MIDN: variants seen among roughly 807,000 people sequenced by gnomAD.
MIDN encodes midbrain nucleolar protein.
MIDN carries 26 observed loss-of-function variants against 46.1 expected under a neutral mutation model. The ratio of observed to expected loss-of-function variants is 0.56; its 90% CI spans 0.41 to 0.78. MIDN has a LOEUF of 0.78. Ranked by LOEUF, MIDN falls within the 30% of genes least tolerant of loss-of-function variation. The pLI is 0.00. For synonymous variants in MIDN, 432 were observed against 343.3 expected (o/e 1.26, Z -2.86); for missense variants, 850 against 771.8 (o/e 1.10, Z -1.20).
chr19:1,258,850 T>G lies in MIDN; in HGVS notation c.*1578T>G, dbSNP rs1183988286. 1.3e-5 allele frequency: 2 copies of G among 152,108 alleles called. No homozygotes were observed. The highest frequency in any genetic ancestry group is 2.9e-5 in the Non-Finnish European group (2 of 68,010). The allele number at this position is 152,108 out of a possible 1,614,324, so 9.4% of individuals were successfully genotyped here. On this transcript the variant is annotated 3_prime_UTR_variant, in exon 9 of 9. Coordinates refer to ENST00000682408, the MANE Select transcript of MIDN (RefSeq NM_001388306.1). Reference sequence around the variant, plus strand: ...GAGTAAAAGGGGCGGGTTTGTTTTTTGAAGAACTGTCTTGGATACCTATTT... The same window carrying G: ...GAGTAAAAGGGGCGGGTTTGTTTTTGGAAGAACTGTCTTGGATACCTATTT...
rs2081226441 is a variant in MIDN at position 1,258,283 on chromosome 19, G to C, written c.*1011G>C. On this transcript the variant is annotated 3_prime_UTR_variant, in exon 9 of 9. Transcript: ENST00000682408. ...GAGGGATGTGGATTTGGGACTGTCTGGGGGCCCCTCCTGCAGCGAGGATGG... is the reference window on the plus strand; with the variant it reads ...GAGGGATGTGGATTTGGGACTGTCTCGGGGCCCCTCCTGCAGCGAGGATGG... 6.6e-6 allele frequency: 1 copy of C among 152,654 alleles called. No individual in the cohort carries two copies. Among genetic ancestry groups the C allele is most frequent in the Non-Finnish European group, 1.5e-5 (1 of 68,094 alleles). The allele number at this position is 152,654 out of a possible 1,614,324, so 9.5% of individuals were successfully genotyped here.
At position 1,251,877 on chromosome 19, in the gene MIDN, T is replaced by C. The variant is rs368279276; in HGVS notation, c.360T>C (p.Ala120=). 65 of 1,613,206 alleles carry C rather than the reference T, an allele frequency of 4.0e-5. No individual in the cohort carries two copies. Among genetic ancestry groups the C allele is most frequent in the Non-Finnish European group, 5.5e-5 (65 of 1,179,750 alleles). Residue 120 remains alanine (A), a synonymous_variant, in exon 4 of 9, where the codon GCT becomes GCC. Transcript: ENST00000682408. ...ASRPEQSVMQ[A]LESLTETQPP... ...GGCCGGAACAGTCCGTGATGCAAGCTCTCGAGAGTCTCACGGAGACGCAGG... is the reference window on the plus strand; with the variant it reads ...GGCCGGAACAGTCCGTGATGCAAGCCCTCGAGAGTCTCACGGAGACGCAGG...
At position 1,255,417 on chromosome 19, in the gene MIDN, C is replaced by T. The variant is rs375769437; in HGVS notation, c.986-5C>T. 6.0e-5 allele frequency: 95 copies of T among 1,579,218 alleles called. No homozygotes were observed. Among genetic ancestry groups the T allele is most frequent in the Admixed American group, 1.1e-4 (6 of 55,538 alleles). On this transcript the variant is annotated splice_polypyrimidine_tract_variant and splice_region_variant and intron_variant, in intron 7 of 8. Transcript: ENST00000682408. Reference sequence around the variant, plus strand: ...CCGGGCACTCACGGCCACCTCTGCCCGCAGGCACGCTACACCCCAACTGCC... The same window carrying T: ...CCGGGCACTCACGGCCACCTCTGCCTGCAGGCACGCTACACCCCAACTGCC...
At chr19:1,251,673 C>T (rs774869134) in intron 3 of MIDN, 24 bp downstream of exon 3, 21 of 1,589,054 alleles carry the variant, frequency 1.3e-5, no homozygotes, top group Middle Eastern at 1.7e-4. Context: ...GGGCTGCGTG[C>T]CCCCAGAGGC....
Position 1,255,694 on chromosome 19 carries a change from G to C in MIDN, c.1258G>C (p.Gly420Arg). The C allele has an allele frequency of 6.4e-7, 1 of 1,569,408 alleles. No individual in the cohort carries two copies. The highest frequency in any genetic ancestry group is 8.6e-7 in the Non-Finnish European group (1 of 1,161,190). The change falls in exon 8 of 9, where the codon GGG becomes CGG. Residue 420 changes from glycine to arginine, a missense_variant and splice_region_variant. By Grantham distance (125) the Gly-to-Arg change is moderately radical (BLOSUM62 -2). Transcript: ENST00000682408. ...CCAGATCCGCATGTGCAAGCCCCCG[G>C]GTGAGTGGCCACCCTCGGGGGTCCT... is the stretch of plus-strand genomic sequence containing the variant. ...QSQIRMCKPP[G>R]DRLRQTENRA...
intron 4 of MIDN, among the ~76,000 whole-genome samples, chr19:1,252,644 C>T (rs1391477595): frequency 6.6e-6 from 1 of 152,212 alleles, no homozygotes; most frequent in Non-Finnish European, 1.5e-5. Context: ...TGACACAGGC[C>T]TCAGCAATCC....
chr19:1,250,765 G>A (rs893569113), intron 2 of MIDN, among the ~76,000 whole-genome samples: 6 of 151,820 alleles, frequency 4.0e-5, no homozygotes, highest in African/African-American at 1.4e-4. Context: ...GGCCCCCCTT[G>A]GGGGCGGGCA....
chr19:1,255,092 G>C (rs563136966), intron 7 of MIDN, 31 bp downstream of exon 7: 29 of 1,595,900 alleles, frequency 1.8e-5, no homozygotes, highest in Non-Finnish European at 8.6e-7. Flanking sequence ...GTGAGCTCAC[G>C]TGTGTCCCGT....
intron 4 of MIDN, 69 bp from the exon 5 acceptor site, chr19:1,253,885 C>G: frequency 9.9e-6 from 13 of 1,313,604 alleles, no homozygotes; most frequent in Non-Finnish European, 1.1e-5. Flanking sequence ...CCTCAGTTTC[C>G]CCTTGCAAGA....
Position 1,255,801 on chromosome 19 carries a change from G to C in MIDN, c.1258+107G>C, listed in dbSNP as rs544523837. On this transcript the variant is annotated intron_variant, in intron 8 of 8. Coordinates refer to ENST00000682408, the MANE Select transcript of MIDN (RefSeq NM_001388306.1). The stretch of plus-strand genomic sequence containing the variant: ...GGAGCAGCTGACCTGCCCAGGGGCT[G>C]GGGGGGATGGCAGCTGCCGTGGCCA... 423 of 1,071,648 alleles carry C rather than the reference G, an allele frequency of 3.9e-4. 9 individuals are homozygous for C. In the South Asian group the frequency reaches 6.9e-3, roughly 17 times the overall value. The allele number at this position is 1,071,648 out of a possible 1,614,324, so 66.4% of individuals were successfully genotyped here. A position where few individuals can be genotyped will look rare whatever the true frequency, so the allele number is the denominator to read the frequency against.
chr19:1,249,534 TC>T (rs1419711992), intron 1 of MIDN, among the ~76,000 whole-genome samples: 1 of 148,112 alleles, frequency 6.8e-6, no homozygotes, highest in Non-Finnish European at 1.5e-5. Flanking sequence ...CAGACCTGGG[TC>T]CCGCGCCCCC....
At chr19:1,256,909 CAG>C (rs112641035) in intron 8 of MIDN, 84 bp from the exon 9 acceptor site, 2 of 1,573,590 alleles carry the variant, frequency 1.3e-6, no homozygotes, top group Non-Finnish European at 1.7e-6. Context: ...TGTCTGACCT[CAG>C]GGGCATTTGC....
intron 3 of MIDN, 74 bp downstream of exon 3, chr19:1,251,723 C>G (rs535163913): frequency 2.0e-6 from 3 of 1,516,756 alleles, no homozygotes; most frequent in South Asian, 1.2e-5. Flanking sequence ...GGTACCTGTC[C>G]GCACACACAC....
In MIDN at chr19:1,250,564, C is replaced by T. The variant is rs757976827; in HGVS notation, c.233+35C>T. The T allele has an allele frequency of 1.7e-5, 19 of 1,098,642 alleles. No homozygotes were observed. The African/African-American group carries it at 2.9e-4, about 17-fold the overall frequency. 68.1% of individuals were successfully genotyped at this position (1,098,642 alleles called of 1,614,324 possible). A position where few individuals can be genotyped will look rare whatever the true frequency, so the allele number is the denominator to read the frequency against. ...GCGCGCCCCCGGCCGGCCGCCCCCT[C>T]GGGCCCCGGCCCCCGGGCGGGAACA... On this transcript the variant is annotated intron_variant, in intron 2 of 8. Coordinates refer to ENST00000682408, the MANE Select transcript of MIDN (RefSeq NM_001388306.1).
intron 4 of MIDN, among the ~76,000 whole-genome samples, chr19:1,253,481 G>C (rs1211916398): frequency 6.6e-6 from 1 of 152,132 alleles, no homozygotes; most frequent in South Asian, 2.1e-4. Flanking sequence ...CCAGAGCAGG[G>C]GGCTTGGCGA....
chr19:1,257,093 C>T lies in MIDN; in HGVS notation c.1357C>T (p.Arg453Trp), dbSNP rs1555750325. 3.1e-6 allele frequency: 5 copies of T among 1,611,942 alleles called. No homozygotes were observed. The highest frequency in any genetic ancestry group is 1.3e-5 in the African/African-American group (1 of 75,058). The change falls in exon 9 of 9, where the codon CGG (arginine) becomes TGG (tryptophan). Residue 453 changes from arginine to tryptophan, a missense_variant. Arg to Trp is a moderately radical substitution (Grantham distance 101, BLOSUM62 -3). Transcript: ENST00000682408. ...QQKRLRRKAR[R>W]DARGPYHWSP... ...GAAACGGCTCCGTAGAAAGGCCCGGCGGGACGCGCGGGGTCCGTACCACTG... is the reference window on the plus strand; with the variant it reads ...GAAACGGCTCCGTAGAAAGGCCCGGTGGGACGCGCGGGGTCCGTACCACTG...
intron 4 of MIDN, among the ~76,000 whole-genome samples, chr19:1,253,062 G>C (rs1478405133): frequency 6.6e-6 from 1 of 151,896 alleles, no homozygotes; most frequent in Non-Finnish European, 1.5e-5. Context: ...GTGCTGGGCG[G>C]AGACACTGGG....
chr19:1,255,075 C>T lies in MIDN; in HGVS notation c.985+14C>T, dbSNP rs773345326. The stretch of plus-strand genomic sequence containing the variant: ...GGACCTTCTCTGGTAGGTGTCACAG[C>T]ACATGTGTGAGCTCACGTGTGTCCC... On this transcript the variant is annotated intron_variant, in intron 7 of 8. Coordinates refer to ENST00000682408, the MANE Select transcript of MIDN (RefSeq NM_001388306.1). The T allele has an allele frequency of 2.9e-5, 47 of 1,607,332 alleles. No individual in the cohort carries two copies. Among genetic ancestry groups the T allele is most frequent in the Non-Finnish European group, 3.7e-5 (43 of 1,175,474 alleles).
rs774869134 is a variant in MIDN, at chr19:1,251,673, C to A, written c.321+24C>A. The A allele has an allele frequency of 2.1e-5, 33 of 1,589,056 alleles. No individual in the cohort carries two copies. In the Middle Eastern group the frequency reaches 5.0e-4, roughly 24 times the overall value. ...TGGTAAATGGCCATGGGGCTGCGTGCCCCCAGAGGCCCCCGCACACAGGCA... is the reference window on the plus strand; with the variant it reads ...TGGTAAATGGCCATGGGGCTGCGTGACCCCAGAGGCCCCCGCACACAGGCA... On this transcript the variant is annotated intron_variant, in intron 3 of 8. Transcript: ENST00000682408.
Sources: gnomAD v4.1 joint callset for allele counts (sites outside exome capture counted in the v4.1 genomes callset) on GRCh38, gnomAD v4.1.1 for gene constraint, MANE v1.5 for transcripts, NCBI Gene and HGNC (gene_info 2026-07-23, HGNC 2026-07-21) for gene names.